The following NEO1 variants were observed in gnomAD, a reference collection of about 807,000 sequenced individuals.
NEO1 encodes the protein neogenin 1.
Under a neutral mutation model 159.7 loss-of-function variants are expected in NEO1, and 63 were observed. That is an observed-to-expected ratio of 0.39 (90% CI 0.32 to 0.49). The LOEUF (loss-of-function observed/expected upper bound fraction) is 0.49. NEO1 is among the 20% of genes least tolerant of loss of function. The pLI, the probability that NEO1 is intolerant of heterozygous loss-of-function variation, is 0.85. For synonymous variants in NEO1, 633 were observed against 662.0 expected (o/e 0.96, Z 0.67); for missense variants, 1,615 against 1,831.0 (o/e 0.88, Z 2.15).
rs1409868929 is a variant in NEO1, at chr15:73,304,836, T to C, written c.*2140T>C. ...GGTGGGGGAGGGGCCTATTTTTAAA[T>C]AAAATAACTGTTCAAAGTTGGGGGT... On this transcript the variant is annotated 3_prime_UTR_variant, in exon 29 of 29. Transcript: ENST00000261908. 3 of 152,148 alleles carry C rather than the reference T, an allele frequency of 2.0e-5. No individual in the cohort carries two copies. The highest frequency in any genetic ancestry group is 4.4e-5 in the Non-Finnish European group (3 of 68,012). The allele number at this position is 152,148 out of a possible 1,614,324, so 9.4% of individuals were successfully genotyped here.
intron 2 of NEO1, 146 bp downstream of exon 2, chr15:73,117,003 G>T (rs144946985): frequency 1.7e-5 from 11 of 636,846 alleles, no homozygotes; most frequent in South Asian, 5.1e-5. Context: ...TATACTCTGC[G>T]TATGGGACCT....
chr15:73,258,944 A>G, intron 14 of NEO1, 68 bp downstream of exon 14: 1 of 1,354,524 alleles, frequency 7.4e-7, no homozygotes, highest in Non-Finnish European at 1.1e-6. Context: ...GTCAAACTGG[A>G]AAGCCACAGA....
intron 1 of NEO1, among the ~76,000 whole-genome samples, chr15:73,061,732 A>G (rs1440627429): frequency 6.6e-6 from 1 of 152,246 alleles, no homozygotes; most frequent in African/African-American, 2.4e-5. Flanking sequence ...TTTAATAGCT[A>G]TGGTCTATTT....
At chr15:73,278,287 G>C in intron 22 of NEO1, 88 bp downstream of exon 22, 2 of 1,173,308 alleles carry the variant, frequency 1.7e-6, no homozygotes, top group Non-Finnish European at 2.5e-6. Context: ...TAGCTTGTGT[G>C]TGGTGGGTTG....
At chr15:73,253,559 A>T in intron 12 of NEO1, 110 bp downstream of exon 12, 1 of 662,968 alleles carries the variant, frequency 1.5e-6, no homozygotes, top group Non-Finnish European at 2.5e-6. Context: ...ATGAATGGCG[A>T]TGTGGTAATA....
intron 1 of NEO1, among the ~76,000 whole-genome samples, chr15:73,104,938 A>G (rs1052405137): frequency 6.6e-6 from 1 of 152,196 alleles, no homozygotes; most frequent in African/African-American, 2.4e-5. Flanking sequence ...ACCTGCCACC[A>G]GGCCTCACCT....
intron 1 of NEO1, among the ~76,000 whole-genome samples, chr15:73,092,584 G>T (rs999006038): frequency 6.6e-6 from 1 of 152,004 alleles, no homozygotes; most frequent in Non-Finnish European, 1.5e-5. Context: ...GTCTTTTTCA[G>T]TGTTCTTATA....
chr15:73,137,434 A>G (rs2031887844), intron 5 of NEO1, among the ~76,000 whole-genome samples: 1 of 152,128 alleles, frequency 6.6e-6, no homozygotes, highest in African/African-American at 2.4e-5. Context: ...CCATTTTTAA[A>G]TTTTGTTTTA....
Position 73,238,285 on chromosome 15 carries a change from T to G in NEO1, c.1451+1779T>G, listed in dbSNP as rs1267445075. Among the ~76,000 whole-genome samples the G allele has an allele frequency of 3.6e-3, 508 of 142,756 alleles. 16 individuals are homozygous for G. Among genetic ancestry groups the G allele is most frequent in the Admixed American group, 0.03 (424 of 13,954 alleles). 93.7% of individuals were successfully genotyped at this position (142,756 alleles called of 152,430 possible). On this transcript the variant is annotated intron_variant, in intron 8 of 28. Coordinates refer to ENST00000261908, the MANE Select transcript of NEO1 (RefSeq NM_002499.4). ...TTTTAGTTTGGGTTTTTTTTTTTTT[T>G]TTTTTTTTTTTTTTTGAGAGCACTT...
rs773953923 is a variant in NEO1 at position 73,122,595 on chromosome 15, T to C, written c.519T>C (p.Cys173=). 6.2e-6 allele frequency: 10 copies of C among 1,614,156 alleles called. No homozygotes were observed. In the East Asian group the frequency reaches 2.0e-4, roughly 32 times the overall value. Residue 173 remains cysteine, a synonymous_variant, in exon 3 of 29, where the codon TGT becomes TGC. Coordinates refer to ENST00000261908, the MANE Select transcript of NEO1 (RefSeq NM_002499.4). ...CTGGGAACAATGCAATTCTGAATTG[T>C]GAAGTTAATGCAGATTTGGTCCCAT... ...VYAGNNAILN[C]EVNADLVPFV...
At chr15:73,135,539 C>A (rs1265994659) in intron 4 of NEO1, among the ~76,000 whole-genome samples, 2 of 152,146 alleles carry the variant, frequency 1.3e-5, no homozygotes, top group Non-Finnish European at 2.9e-5. Context: ...TGATTCCAGA[C>A]TTCAAAATTA....
chr15:73,080,060 C>A (rs780717714), intron 1 of NEO1, among the ~76,000 whole-genome samples: 4 of 151,892 alleles, frequency 2.6e-5, no homozygotes, highest in African/African-American at 9.7e-5. Flanking sequence ...TGTAAATAAC[C>A]CAGTAGGGAA....
Position 73,141,660 on chromosome 15 carries a change from T to G in NEO1, c.1015+5633T>G, listed in dbSNP as rs1050135357. The stretch of plus-strand genomic sequence containing the variant: ...CTACCACTTAAGTTTTAAACCTCAC[T>G]GTCTTTCCTTAAGCCACAGCCTATG... On this transcript the variant is annotated intron_variant, in intron 5 of 28. Transcript: ENST00000261908. 7.2e-5 allele frequency among the ~76,000 whole-genome samples: 11 copies of G among 152,218 alleles called. 1 individual carries two copies. Among genetic ancestry groups the G allele is most frequent in the Non-Finnish European group, 1.5e-4 (10 of 68,030 alleles).
chr15:73,062,571 G>A (rs2068030646), intron 1 of NEO1, among the ~76,000 whole-genome samples: 1 of 152,048 alleles, frequency 6.6e-6, no homozygotes, highest in Non-Finnish European at 1.5e-5. Context: ...TCTGTTTTGA[G>A]GAAAGAAAGT....
intron 16 of NEO1, among the ~76,000 whole-genome samples, chr15:73,268,584 A>T (rs562559643): frequency 6.6e-6 from 1 of 152,230 alleles, no homozygotes; most frequent in African/African-American, 2.4e-5. Context: ...GGAGACTATT[A>T]CTTTAGCTTA....
At chr15:73,176,313 G>A in intron 5 of NEO1, 90 bp from the exon 6 acceptor site, 16 of 876,046 alleles carry the variant, frequency 1.8e-5, no homozygotes, top group Non-Finnish European at 2.6e-5. Context: ...TAAAAATCCT[G>A]TGGATTTTAT....
At chr15:73,087,896 A>G (rs1468427658) in intron 1 of NEO1, among the ~76,000 whole-genome samples, 2 of 152,086 alleles carry the variant, frequency 1.3e-5, no homozygotes, top group East Asian at 3.8e-4. Flanking sequence ...TTGTATGGAT[A>G]TGCCATAATT....
chr15:73,191,733 C>T (rs879734474), intron 7 of NEO1, among the ~76,000 whole-genome samples: 31 of 152,096 alleles, frequency 2.0e-4, no homozygotes, highest in Non-Finnish European at 3.8e-4. Flanking sequence ...TGTAAGGCAT[C>T]TGTAATGATC....
intron 9 of NEO1, 145 bp from the exon 10 acceptor site, chr15:73,248,915 T>C: frequency 1.3e-6 from 1 of 757,852 alleles, no homozygotes; most frequent in Admixed American, 2.8e-5. Flanking sequence ...TTATATATTA[T>C]TCTAAAACCA....
Sources: gnomAD v4.1 joint callset for allele counts (sites outside exome capture counted in the v4.1 genomes callset) on GRCh38, gnomAD v4.1.1 for gene constraint, MANE v1.5 for transcripts, NCBI Gene and HGNC (gene_info 2026-07-23, HGNC 2026-07-21) for gene names.